MROH2A: variants seen among roughly 807,000 people sequenced by gnomAD.
The protein encoded by MROH2A is maestro heat-like repeat-containing protein family member 2A.
In MROH2A, 174 loss-of-function variants were observed where a neutral mutation model predicts 200.4. That is an observed-to-expected ratio of 0.87 (90% CI 0.77 to 0.98). The LOEUF (loss-of-function observed/expected upper bound fraction) is 0.98. Among genes scored for constraint, MROH2A ranks in the 50% least tolerant of loss-of-function variants. The pLI, the probability that MROH2A is intolerant of heterozygous loss-of-function variation, is 0.00. For missense variants in MROH2A, 2,045 were observed against 2,139.6 expected (o/e 0.96, Z 0.87); for synonymous variants, 829 against 840.4 (o/e 0.99, Z 0.23).
rs1223950162 is a variant in MROH2A at position 233,795,718 on chromosome 2, C to T, written c.1032C>T (p.His344=). The T allele has an allele frequency of 2.2e-5, 34 of 1,551,100 alleles. No individual in the cohort carries two copies. The highest frequency in any genetic ancestry group is 2.9e-5 in the Non-Finnish European group (33 of 1,147,134). The change falls in exon 9 of 42, where the codon CAC becomes CAT. Residue 344 remains histidine (H), a synonymous_variant. Transcript: ENST00000389758. ...CCCCTGTCCCCCAAATGCAGCTACA[C>T]ACCATTTTCACAGAACTGCACGTCC... ...TNTPVPQMQL[H]TIFTELHVQV...
At position 233,829,787 on chromosome 2, in the gene MROH2A, C is replaced by T. The variant is rs887729649; in HGVS notation, c.4602+12C>T. ...CCAATGCAGCCCAAGTAAGATACATCCTGGGCTTTGTGTCCCAGTCTGGGG... is the reference window on the plus strand; with the variant it reads ...CCAATGCAGCCCAAGTAAGATACATTCTGGGCTTTGTGTCCCAGTCTGGGG... On this transcript the variant is annotated intron_variant, in intron 38 of 41. Coordinates refer to ENST00000389758, the MANE Select transcript of MROH2A (RefSeq NM_001394639.1). 18 of 1,315,438 alleles carry T rather than the reference C, an allele frequency of 1.4e-5. No individual in the cohort carries two copies. Among genetic ancestry groups the T allele is most frequent in the Non-Finnish European group, 1.7e-5 (17 of 1,023,860 alleles). 81.5% of individuals were successfully genotyped at this position (1,315,438 alleles called of 1,614,324 possible).
At chr2:233,799,572 A>C (rs187317711) in intron 12 of MROH2A, among the ~76,000 whole-genome samples, 1 of 152,246 alleles carries the variant, frequency 6.6e-6, no homozygotes, top group Non-Finnish European at 1.5e-5. Flanking sequence ...TGTCTCTCCA[A>C]GGCTCAATTA....
chr2:233,811,050 G>C, intron 23 of MROH2A, 134 bp downstream of exon 23: 1 of 1,004,320 alleles, frequency 1.0e-6, no homozygotes, highest in South Asian at 1.7e-5. Context: ...GCTCTGCTTT[G>C]TCCTAACTGT....
chr2:233,777,061 G>A (rs1700729365), upstream of MROH2A, among the ~76,000 whole-genome samples: 1 of 152,238 alleles, frequency 6.6e-6, no homozygotes, highest in African/African-American at 2.4e-5. Context: ...CTCTAGTTGT[G>A]CTTGGCTGGA....
Position 233,804,483 on chromosome 2 carries a change from G to A in MROH2A, c.1892-12G>A, listed in dbSNP as rs1337988761. On this transcript the variant is annotated splice_polypyrimidine_tract_variant and intron_variant, in intron 17 of 41. Coordinates refer to ENST00000389758, the MANE Select transcript of MROH2A (RefSeq NM_001394639.1). ...GAAAGTGGCATGTGTGACCATACAT[G>A]TGTTCCTGCAGAACATACTGAGTTC... 6.4e-7 allele frequency: 1 copy of A among 1,551,118 alleles called. No individual in the cohort carries two copies.
upstream of MROH2A, among the ~76,000 whole-genome samples, chr2:233,777,484 T>C (rs1179645763): frequency 6.6e-6 from 1 of 152,260 alleles, no homozygotes; most frequent in Admixed American, 6.5e-5. Context: ...TTGATCAATG[T>C]ATCTCCAAGT....
chr2:233,778,843 TTGA>T (rs1284918433), intron 1 of MROH2A, among the ~76,000 whole-genome samples: 1 of 152,246 alleles, frequency 6.6e-6, no homozygotes, highest in Non-Finnish European at 1.5e-5. Context: ...AGAACATCCA[TTGA>T]TTATCTCACG....
chr2:233,820,657 G>A lies in MROH2A; in HGVS notation c.3512+601G>A, dbSNP rs974381358. On this transcript the variant is annotated intron_variant, in intron 31 of 41. Coordinates refer to ENST00000389758, the MANE Select transcript of MROH2A (RefSeq NM_001394639.1). This position sits in a 1 kb window ranked among gnomAD's most constrained non-coding sequence, Gnocchi z 4.1. ...CCCACATGTGGGGAGTCTGTTTGGG[G>A]TGGTACCAGAATTCATCTGGGAGGA... Among the ~76,000 whole-genome samples, 4 of 152,164 alleles carry A rather than the reference G, an allele frequency of 2.6e-5. No homozygotes were observed. The highest frequency in any genetic ancestry group is 2.1e-4 in the South Asian group (1 of 4,824).
rs1559459669 is a variant in MROH2A at position 233,804,161 on chromosome 2, G to A, written c.1860G>A (p.Leu620=). ...IAPSMADMWE[L]EIALLVRYLE... is the part of the protein sequence containing the mutation. ...CCTCCATGGCCGACATGTGGGAGCT[G>A]GAGATTGCGCTACTGGTCCGGTACC... is the stretch of plus-strand genomic sequence containing the variant. Residue 620 remains leucine (L), a synonymous_variant, in exon 17 of 42, where the codon CTG becomes CTA. Coordinates refer to ENST00000389758, the MANE Select transcript of MROH2A (RefSeq NM_001394639.1). The A allele has an allele frequency of 2.6e-6, 4 of 1,550,580 alleles. No individual in the cohort carries two copies. Among genetic ancestry groups the A allele is most frequent in the Non-Finnish European group, 3.5e-6 (4 of 1,147,002 alleles).
intron 31 of MROH2A, among the ~76,000 whole-genome samples, 191 bp from the exon 32 acceptor site, chr2:233,821,933 A>T (rs1559478560): frequency 6.6e-6 from 1 of 152,122 alleles, no homozygotes; most frequent in Admixed American, 6.5e-5. Flanking sequence ...GTGCAGAGAA[A>T]GGGGGTTGAG....
chr2:233,779,795 C>T lies in MROH2A; in HGVS notation c.219C>T (p.Ala73=), dbSNP rs557216770. The T allele has an allele frequency of 1.6e-4, 249 of 1,550,650 alleles. No individual in the cohort carries two copies. Among genetic ancestry groups the T allele is most frequent in the Non-Finnish European group, 2.2e-4 (247 of 1,146,958 alleles). Residue 73 remains alanine, a synonymous_variant, in exon 3 of 42, where the codon GCC becomes GCT. Coordinates refer to ENST00000389758, the MANE Select transcript of MROH2A (RefSeq NM_001394639.1). ...CCTCGGTGATAATCATGGAGAAGGC[C>T]ACCACTGAGCCTTCTGTAGTGATAA... The part of the protein sequence containing the change: ...TLASVIIMEK[A]TTEPSVVINT...
At chr2:233,790,931 A>G (rs1485754533) in intron 5 of MROH2A, among the ~76,000 whole-genome samples, 1 of 152,142 alleles carries the variant, frequency 6.6e-6, no homozygotes, top group African/African-American at 2.4e-5. Context: ...AGGGGACCTC[A>G]TCTCTGCAGC....
rs576717420 is a variant in MROH2A at position 233,816,832 on chromosome 2, G to A, written c.2908G>A (p.Val970Met). Reference protein sequence around the residue: ...SEKEWEREKAVSLHLYLMWIY... With the variant: ...SEKEWEREKAMSLHLYLMWIY... Reference sequence around the variant, plus strand: ...GAAAGAATGGGAGCGGGAAAAGGCCGTGAGCCTCCATCTCTATCTCATGTG... The same window carrying A: ...GAAAGAATGGGAGCGGGAAAAGGCCATGAGCCTCCATCTCTATCTCATGTG... The change falls in exon 27 of 42, where the codon GTG becomes ATG. Residue 970 changes from valine (V) to methionine (M), a missense_variant. By Grantham distance (21) the Val-to-Met change is conservative (BLOSUM62 1). Transcript: ENST00000389758. 7.6e-5 allele frequency: 118 copies of A among 1,550,340 alleles called. 1 individual carries two copies. The East Asian group carries it at 2.5e-3, about 33-fold the overall frequency.
chr2:233,805,862 C>G (rs1262596982), intron 19 of MROH2A, among the ~76,000 whole-genome samples: 7 of 152,010 alleles, frequency 4.6e-5, no homozygotes. Context: ...AACTAGAAAT[C>G]CACATGCAAA....
intron 26 of MROH2A, among the ~76,000 whole-genome samples, chr2:233,816,503 C>A (rs1048504591): frequency 2.0e-5 from 3 of 152,212 alleles, no homozygotes; most frequent in African/African-American, 7.2e-5. Flanking sequence ...CTGGGGCCAT[C>A]TGGAGTGCAG....
rs1576000979 is a variant in MROH2A at position 233,820,606 on chromosome 2, T to C, written c.3512+550T>C. Among the ~76,000 whole-genome samples the C allele has an allele frequency of 6.6e-6, 1 of 152,030 alleles. No homozygotes were observed. The highest frequency in any genetic ancestry group is 1.5e-5 in the Non-Finnish European group (1 of 67,988). ...AGCTCCTGTGTGTGCTACAGCATGA[T>C]GGCACAGGCAGCTGGGCATGGTCTC... is the stretch of plus-strand genomic sequence containing the variant. On this transcript the variant is annotated intron_variant, in intron 31 of 41. Coordinates refer to ENST00000389758, the MANE Select transcript of MROH2A (RefSeq NM_001394639.1). This position sits in a 1 kb window ranked among gnomAD's most constrained non-coding sequence, Gnocchi z 4.1.
chr2:233,829,126 C>T, intron 37 of MROH2A, 54 bp downstream of exon 37: 5 of 1,442,216 alleles, frequency 3.5e-6, no homozygotes, highest in Non-Finnish European at 3.7e-6. Context: ...GGGCACTTCT[C>T]AGACCCTAAG....
Position 233,796,212 on chromosome 2 carries a change from C to G in MROH2A, c.1151C>G (p.Pro384Arg). 1.9e-6 allele frequency: 3 copies of G among 1,549,912 alleles called. No homozygotes were observed. ...HCFVALARSYPKELMKFFFSQ... is the reference protein window; with the variant it reads ...HCFVALARSYRKELMKFFFSQ... ...TTCCACCCTGCAGCTCGCTCCTACC[C>G]CAAGGAGCTGATGAAGTTCTTCTTC... The change falls in exon 11 of 42, where the codon CCC becomes CGC. Residue 384 changes from proline (P) to arginine (R), a missense_variant. Pro to Arg is a moderately radical substitution (Grantham distance 103). Transcript: ENST00000389758.
chr2:233,791,944 G>A (rs1029044429), intron 5 of MROH2A, among the ~76,000 whole-genome samples: 2 of 152,118 alleles, frequency 1.3e-5, no homozygotes, highest in Non-Finnish European at 2.9e-5. Flanking sequence ...CACTCAGGGT[G>A]GGTGAAGTGG....
Sources: gnomAD v4.1 joint callset for allele counts (sites outside exome capture counted in the v4.1 genomes callset) on GRCh38, gnomAD v4.1.1 for gene constraint, Gnocchi (gnomAD v3.1) non-coding constraint, MANE v1.5 for transcripts, NCBI Gene and HGNC (gene_info 2026-07-23, HGNC 2026-07-21) for gene names.